Variants in FH observed in about 807,000 individuals in gnomAD.
FH encodes the protein fumarate hydratase, mitochondrial.
FH carries 22 observed loss-of-function variants against 49.4 expected under a neutral mutation model. The ratio of observed to expected loss-of-function variants is 0.45; its 90% CI spans 0.32 to 0.64. FH has a LOEUF of 0.64. FH is among the 30% of genes least tolerant of loss of function. The probability of loss-of-function intolerance (pLI) is 0.05; values close to 1 mark genes in which losing one functional copy is unlikely to be tolerated. For synonymous variants in FH, 208 were observed against 223.0 expected (o/e 0.93, Z 0.60); for missense variants, 526 against 641.5 (o/e 0.82, Z 1.95).
Position 241,508,511 on chromosome 1 carries a change from T to C in FH, c.738+92A>G, listed in dbSNP as rs1378649042. ...TGTCACTGAAGTTTCCGGTTACAAA[T>C]TTGGCCTTTTAAGCTAGTCAGATTT... On this transcript the variant is annotated intron_variant, in intron 5 of 9. Transcript: ENST00000366560. The C allele has an allele frequency of 3.6e-5, 37 of 1,041,448 alleles. 1 individual carries two copies. Among genetic ancestry groups the C allele is most frequent in the Middle Eastern group, 2.0e-4 (1 of 4,986 alleles). 64.5% of individuals were successfully genotyped at this position (1,041,448 alleles called of 1,614,324 possible).
At chr1:241,518,039 G>C (rs112283863) in intron 1 of FH, among the ~76,000 whole-genome samples, 30 of 152,174 alleles carry the variant, frequency 2.0e-4, no homozygotes, top group African/African-American at 7.0e-4. Context: ...TTATTTACAG[G>C]GCCTGGTAAG....
chr1:241,508,840 CAAACTTCTGAATT>C, intron 4 of FH, 55 bp from the exon 5 acceptor site: 2 of 1,492,432 alleles, frequency 1.3e-6, no homozygotes, highest in Non-Finnish European at 1.9e-6. Context: ...GCAACAAAAA[CAAACTTCTGAATT>C]AAACTTCTCA....
At chr1:241,511,901 T>C in intron 4 of FH, 66 bp downstream of exon 4, 2 of 1,484,642 alleles carry the variant, frequency 1.3e-6, no homozygotes, top group Non-Finnish European at 1.9e-6. Flanking sequence ...ATGCTTGTTT[T>C]ACAAGAACAA....
chr1:241,506,111 T>C lies in FH; in HGVS notation c.796A>G (p.Met266Val), dbSNP rs754285771. ...KYAMTRIKAAMPRIYELAAGG... is the reference protein window; with the variant it reads ...KYAMTRIKAAVPRIYELAAGG... ...GCTGCGAGCTCATAGATTCTTGGCA[T>C]GGCAGCTTTTATTCTTGTCATTGCA... The change falls in exon 6 of 10, where the codon ATG becomes GTG. Residue 266 changes from methionine (M) to valine (V), a missense_variant. Transcript: ENST00000366560. 6.2e-7 allele frequency: 1 copy of C among 1,614,026 alleles called. No individual in the cohort carries two copies. Among genetic ancestry groups the C allele is most frequent in the Admixed American group, 1.7e-5 (1 of 60,012 alleles).
At chr1:241,512,910 GGTGTGTGT>G (rs10548903) in intron 3 of FH, among the ~76,000 whole-genome samples, 4 of 148,440 alleles carry the variant, frequency 2.7e-5, no homozygotes, top group African/African-American at 9.9e-5. Flanking sequence ...ATGCAATGAG[GGTGTGTGT>G]GTGTGTGTGT....
chr1:241,505,601 C>A (rs1659907977), intron 6 of FH, among the ~76,000 whole-genome samples: 1 of 151,908 alleles, frequency 6.6e-6, no homozygotes, highest in Non-Finnish European at 1.5e-5. Context: ...GTCAATAATT[C>A]AAAGAATTAT....
rs752879506 is a variant in FH, at chr1:241,519,633, GCCA to G, written c.87_89del (p.Gly30del). The G allele has an allele frequency of 1.9e-6, 3 of 1,547,786 alleles. No homozygotes were observed. The South Asian group carries it at 3.6e-5, about 18-fold the overall frequency. On this transcript the variant is annotated inframe_deletion, in exon 1 of 10. Transcript: ENST00000366560. ...GAGGCCAAAACGAGGGCACGGCCGC[GCCA>G]CCCAAGCCGGGAGCCGAAGCTAAGG...
At position 241,506,238 on chromosome 1, in the gene FH, T is replaced by G. The variant is rs539901104; in HGVS notation, c.739-70A>C. 531 of 1,178,546 alleles carry G rather than the reference T, an allele frequency of 4.5e-4. 1 individual carries two copies. The highest frequency in any genetic ancestry group is 5.7e-4 in the Non-Finnish European group (466 of 822,858). The allele number at this position is 1,178,546 out of a possible 1,614,324, so 73.0% of individuals were successfully genotyped here. On this transcript the variant is annotated intron_variant, in intron 5 of 9. Coordinates refer to ENST00000366560, the MANE Select transcript of FH (RefSeq NM_000143.4). ...AGCTTACAAGTTACTCTAACTGCAT[T>G]AAATAGAAATTTTTAAAAATACCTT... is the stretch of plus-strand genomic sequence containing the variant.
intron 7 of FH, 29 bp downstream of exon 7, chr1:241,504,013 G>A: frequency 6.2e-6 from 10 of 1,600,648 alleles, no homozygotes; most frequent in Non-Finnish European, 7.7e-6. Context: ...TCAAGTTTTA[G>A]CTCCAACATT....
chr1:241,509,144 A>C (rs990816877), intron 4 of FH, among the ~76,000 whole-genome samples: 1 of 150,956 alleles, frequency 6.6e-6, no homozygotes, highest in Non-Finnish European at 1.5e-5. Flanking sequence ...AGAGAAGTAT[A>C]GTTAACAACT....
chr1:241,513,181 T>C (rs1660133771), intron 3 of FH, among the ~76,000 whole-genome samples: 1 of 152,140 alleles, frequency 6.6e-6, no homozygotes, highest in African/African-American at 2.4e-5. Context: ...AACAACACTA[T>C]ATATACAGTT....
Position 241,518,556 on chromosome 1 carries a change from G to A in FH, c.132+1035C>T, listed in dbSNP as rs143858517. Among the ~76,000 whole-genome samples, 686 of 152,222 alleles carry A rather than the reference G, an allele frequency of 4.5e-3. 4 individuals are homozygous for A. The highest frequency in any genetic ancestry group is 0.016 in the African/African-American group (649 of 41,522). ...AGTCCAGAAAAAGTACTGGCCCTTTGAAATACCCTAGATGGGGCACTTATT... is the reference window on the plus strand; with the variant it reads ...AGTCCAGAAAAAGTACTGGCCCTTTAAAATACCCTAGATGGGGCACTTATT... On this transcript the variant is annotated intron_variant, in intron 1 of 9. Coordinates refer to ENST00000366560, the MANE Select transcript of FH (RefSeq NM_000143.4).
In FH at chr1:241,500,602, T is replaced by TGTGAGAGAGAGAGA. The variant is rs1659750838; in HGVS notation, c.1237-13_1237-12insTCTCTCTCTCTCAC. 1 of 1,312,730 alleles carries TGTGAGAGAGAGAGA rather than the reference T, an allele frequency of 7.6e-7. No homozygotes were observed. Among genetic ancestry groups the TGTGAGAGAGAGAGA allele is most frequent in the Non-Finnish European group, 1.0e-6 (1 of 974,070 alleles). The allele number at this position is 1,312,730 out of a possible 1,614,324, so 81.3% of individuals were successfully genotyped here. On this transcript the variant is annotated splice_polypyrimidine_tract_variant and intron_variant, in intron 8 of 9. Transcript: ENST00000366560. ...AACACATTTTTAATCTTTGAGTGAG[T>TGTGAGAGAGAGAGA]GAGAGAGAGAGAGAGAGAGAGAGAG...
At chr1:241,519,462 T>G (rs1660311259) in intron 1 of FH, 129 bp downstream of exon 1, 1 of 1,171,216 alleles carries the variant, frequency 8.5e-7, no homozygotes, top group African/African-American at 1.6e-5. Context: ...GCACGGGCGC[T>G]AAGCCCAGAG....
chr1:241,506,256 A>C, intron 5 of FH, 88 bp from the exon 6 acceptor site: 1 of 1,000,324 alleles, frequency 1.0e-6, no homozygotes, highest in Non-Finnish European at 1.5e-6. Flanking sequence ...AATTTTTAAA[A>C]ATACCTTTCA....
rs1294459981 is a variant in FH, at chr1:241,498,718, T to TAC, written c.1391-749_1391-748insGT. The stretch of plus-strand genomic sequence containing the variant: ...ACATATATATATATATATATATATA[T>TAC]ATATATATATATATATATATATATG... On this transcript the variant is annotated intron_variant, in intron 9 of 9. Coordinates refer to ENST00000366560, the MANE Select transcript of FH (RefSeq NM_000143.4). 6.9e-4 allele frequency among the ~76,000 whole-genome samples: 68 copies of TAC among 99,264 alleles called. 1 individual carries two copies. The highest frequency in any genetic ancestry group is 2.5e-3 in the African/African-American group (65 of 25,826). The allele number at this position is 99,264 out of a possible 152,430, so 65.1% of individuals were successfully genotyped here.
chr1:241,504,758 T>C (rs1158064226), intron 6 of FH, among the ~76,000 whole-genome samples: 1 of 152,080 alleles, frequency 6.6e-6, no homozygotes. Flanking sequence ...CACTACATTT[T>C]AAAAAGATGA....
At chr1:241,499,792 T>C (rs547205607) in intron 9 of FH, among the ~76,000 whole-genome samples, 2 of 152,334 alleles carry the variant, frequency 1.3e-5, no homozygotes, top group South Asian at 4.1e-4. Flanking sequence ...TCTACAAAAG[T>C]GTAAACAGTT....
chr1:241,497,718 G>T lies in FH; in HGVS notation c.*110C>A. ...ATACTGATCAAATTGCTCTGCTAGA[G>T]ATGCTTAAGTTCAATAGCAGTTTCC... is the stretch of plus-strand genomic sequence containing the variant. On this transcript the variant is annotated 3_prime_UTR_variant, in exon 10 of 10. Coordinates refer to ENST00000366560, the MANE Select transcript of FH (RefSeq NM_000143.4). 1 of 967,972 alleles carries T rather than the reference G, an allele frequency of 1.0e-6. No homozygotes were observed. Among genetic ancestry groups the T allele is most frequent in the Non-Finnish European group, 1.6e-6 (1 of 641,080 alleles). The allele number at this position is 967,972 out of a possible 1,614,324, so 60.0% of individuals were successfully genotyped here.
Sources: gnomAD v4.1 joint callset for allele counts (sites outside exome capture counted in the v4.1 genomes callset) on GRCh38, gnomAD v4.1.1 for gene constraint, MANE v1.5 for transcripts, NCBI Gene and HGNC (gene_info 2026-07-23, HGNC 2026-07-21) for gene names.